CACNA2D3: variants seen among roughly 807,000 people sequenced by gnomAD.
The protein encoded by CACNA2D3 is calcium voltage-gated channel auxiliary subunit alpha2delta 3.
CACNA2D3 carries 60 observed loss-of-function variants against 160.6 expected under a neutral mutation model. The observed-to-expected ratio is 0.37, with a 90% CI of 0.30 to 0.46. CACNA2D3 has a LOEUF of 0.46. Ranked by LOEUF, CACNA2D3 falls within the 20% of genes least tolerant of loss-of-function variation. The pLI is 1.00. For synonymous variants in CACNA2D3, 558 were observed against 492.9 expected, an observed-to-expected ratio of 1.13 and a Z score of -1.75; for missense variants, 1,205 against 1,365.0, an observed-to-expected ratio of 0.88 and a Z score of 1.85.
At chr3:54,830,235 G>A (rs1162199585) in intron 14 of CACNA2D3, among the ~76,000 whole-genome samples, 2 of 151,160 alleles carry the variant, frequency 1.3e-5, no homozygotes, top group Non-Finnish European at 3.0e-5. Context: ...GAGCCACCAC[G>A]CCCAGCCCAG....
At chr3:54,936,300 A>G (rs1435968782) in intron 27 of CACNA2D3, among the ~76,000 whole-genome samples, 1 of 152,194 alleles carries the variant, frequency 6.6e-6, no homozygotes, top group African/African-American at 2.4e-5. Context: ...AGGCAAGTTA[A>G]ATGCAAAGGA....
intron 9 of CACNA2D3, chr3:54,626,746 G>T: frequency 1.5e-6 from 1 of 662,184 alleles, no homozygotes; most frequent in Non-Finnish European, 2.6e-6. Context: ...GCAGTGACTG[G>T]AAAGCAAAGC....
chr3:54,530,182 A>G (rs766017588), intron 5 of CACNA2D3, among the ~76,000 whole-genome samples: 23 of 152,268 alleles, frequency 1.5e-4, no homozygotes, highest in Non-Finnish European at 2.5e-4. Flanking sequence ...AGTGACACCA[A>G]TGAGACTATG....
chr3:54,749,036 C>A (rs1701808994), intron 11 of CACNA2D3, among the ~76,000 whole-genome samples: 1 of 152,172 alleles, frequency 6.6e-6, no homozygotes, highest in Non-Finnish European at 1.5e-5. Flanking sequence ...TTGATTTTCA[C>A]TGAAACATTT....
intron 35 of CACNA2D3, among the ~76,000 whole-genome samples, chr3:55,042,618 A>AT (rs1703981025): frequency 6.6e-6 from 1 of 152,010 alleles, no homozygotes; most frequent in African/African-American, 2.4e-5. Context: ...ATTTTACTGT[A>AT]TTTTTATTTA....
At chr3:54,527,247 C>T (rs1701739614) in intron 5 of CACNA2D3, among the ~76,000 whole-genome samples, 1 of 152,230 alleles carries the variant, frequency 6.6e-6, no homozygotes. Context: ...ACTACAACCT[C>T]CACTATTTTC....
intron 4 of CACNA2D3, among the ~76,000 whole-genome samples, chr3:54,465,949 A>G (rs1559489412): frequency 2.0e-5 from 3 of 152,110 alleles, no homozygotes; most frequent in Admixed American, 2.0e-4. Flanking sequence ...ATTCAGTTTC[A>G]TATGGTTATG....
chr3:54,388,677 C>T (rs913592862), intron 4 of CACNA2D3, among the ~76,000 whole-genome samples: 24 of 126,786 alleles, frequency 1.9e-4, no homozygotes, highest in African/African-American at 6.4e-4. Context: ...TAAAGCCATA[C>T]TCAGTTCTCA....
chr3:54,494,293 C>A (rs893703940), intron 4 of CACNA2D3, among the ~76,000 whole-genome samples: 1 of 152,180 alleles, frequency 6.6e-6, no homozygotes. Context: ...CTTGTTTGTA[C>A]TGAATCAGCC....
At chr3:54,695,877 G>A (rs1235773020) in intron 11 of CACNA2D3, among the ~76,000 whole-genome samples, 1 of 152,088 alleles carries the variant, frequency 6.6e-6, no homozygotes, top group East Asian at 1.9e-4. Context: ...TTTTTATGGT[G>A]GTTTTGCCAT....
In CACNA2D3 at chr3:54,509,291, T is replaced by G. The variant is rs76075026; in HGVS notation, c.544+5637T>G. 2.1e-3 allele frequency among the ~76,000 whole-genome samples: 317 copies of G among 151,074 alleles called. 1 individual carries two copies. Among genetic ancestry groups the G allele is most frequent in the African/African-American group, 7.1e-3 (291 of 41,156 alleles). On this transcript the variant is annotated intron_variant, in intron 5 of 37. Transcript: ENST00000474759. ...CTTTTCCCTTCACGTGTGTGTGTGT[T>G]TGTGTGTGTGTGTGTGTGTGTTTGA...
intron 25 of CACNA2D3, among the ~76,000 whole-genome samples, chr3:54,892,226 TAG>T (rs758605296): frequency 6.6e-6 from 1 of 152,044 alleles, no homozygotes; most frequent in African/African-American, 2.4e-5. Context: ...TTCAGAAAGT[TAG>T]AGAGTGGTTT....
chr3:55,045,899 C>G (rs923716160), intron 35 of CACNA2D3, among the ~76,000 whole-genome samples: 1 of 151,824 alleles, frequency 6.6e-6, no homozygotes, highest in African/African-American at 2.4e-5. Context: ...CTAATATTCT[C>G]TTCTTCATTG....
intron 14 of CACNA2D3, among the ~76,000 whole-genome samples, chr3:54,821,718 TCTCTCTCTCTCTCTC>T (rs1335726387): frequency 8.5e-6 from 1 of 117,572 alleles, no homozygotes; most frequent in Admixed American, 9.3e-5. Flanking sequence ...CCTTCTTTCC[TCTCTCTCTCTCTCTC>T]TCTTTCTCTC....
intron 6 of CACNA2D3, among the ~76,000 whole-genome samples, chr3:54,564,322 A>C (rs1191581311): frequency 1.3e-5 from 2 of 152,374 alleles, no homozygotes; most frequent in East Asian, 1.9e-4. Flanking sequence ...ATTAATTTAC[A>C]TACAAGGTTT....
intron 4 of CACNA2D3, among the ~76,000 whole-genome samples, chr3:54,498,772 G>T (rs1701243279): frequency 6.6e-6 from 1 of 151,610 alleles, no homozygotes; most frequent in African/African-American, 2.4e-5. Context: ...TTGATATGTT[G>T]TTTTCATTAT....
intron 11 of CACNA2D3, among the ~76,000 whole-genome samples, chr3:54,666,345 A>C (rs868265868): frequency 3.3e-5 from 5 of 152,246 alleles, no homozygotes; most frequent in African/African-American, 1.2e-4. Flanking sequence ...TATTCTTTAC[A>C]AATATGTCAT....
chr3:54,353,931 A>ACG (rs918881545), intron 3 of CACNA2D3, among the ~76,000 whole-genome samples: 6 of 152,272 alleles, frequency 3.9e-5, no homozygotes, highest in African/African-American at 1.4e-4. Flanking sequence ...TCCTGGCAGG[A>ACG]CGGCTTTTTA....
chr3:54,804,585 C>T (rs1347366590), intron 13 of CACNA2D3, among the ~76,000 whole-genome samples: 2 of 152,154 alleles, frequency 1.3e-5, no homozygotes, highest in African/African-American at 4.8e-5. Flanking sequence ...GACTTAGACT[C>T]CCACACAATA....
Sources: gnomAD v4.1 joint callset for allele counts (sites outside exome capture counted in the v4.1 genomes callset) on GRCh38, gnomAD v4.1.1 for gene constraint, MANE v1.5 for transcripts, NCBI Gene and HGNC (gene_info 2026-07-23, HGNC 2026-07-21) for gene names.